Variants in ZNF197 observed in about 807,000 individuals in gnomAD.
The protein encoded by ZNF197 is VHL-associated KRAB-A domain-containing protein.
Under a neutral mutation model 27.4 loss-of-function variants are expected in ZNF197, and 14 were observed. The observed-to-expected ratio is 0.51, with a 90% CI of 0.34 to 0.80. The LOEUF (loss-of-function observed/expected upper bound fraction) is 0.80. ZNF197 is among the 30% of genes least tolerant of loss of function. The pLI is 0.02. For missense variants in ZNF197, 1,090 were observed against 1,222.6 expected (o/e 0.89, Z 1.62); for synonymous variants, 415 against 420.0 (o/e 0.99, Z 0.15).
intron 5 of ZNF197, among the ~76,000 whole-genome samples, chr3:44,639,677 C>G (rs568770008): frequency 7.3e-4 from 110 of 151,528 alleles, no homozygotes; most frequent in African/African-American, 2.6e-3. Flanking sequence ...ATGTTAATGT[C>G]CAGAGAGTGA....
chr3:44,627,120 T>C (rs773162268), intron 1 of ZNF197, among the ~76,000 whole-genome samples: 6 of 152,176 alleles, frequency 3.9e-5, no homozygotes, highest in Non-Finnish European at 7.3e-5. Context: ...TGTACACACA[T>C]ATGCAGAAAT....
chr3:44,643,500 T>C lies in ZNF197; in HGVS notation c.2370T>C (p.Tyr790=). 4 of 1,614,148 alleles carry C rather than the reference T, an allele frequency of 2.5e-6. No individual in the cohort carries two copies. Among genetic ancestry groups the C allele is most frequent in the Non-Finnish European group, 3.4e-6 (4 of 1,180,000 alleles). Residue 790 remains tyrosine (Y), a synonymous_variant, in exon 6 of 6, where the codon TAT becomes TAC. Coordinates refer to ENST00000344387, the MANE Select transcript of ZNF197 (RefSeq NM_006991.5). ...HKRIHSGEKP[Y]ECDECGKCFI... ...GAATCCACAGTGGTGAGAAACCCTA[T>C]GAGTGTGATGAGTGTGGCAAATGCT...
intron 5 of ZNF197, among the ~76,000 whole-genome samples, chr3:44,638,056 A>G (rs1003558787): frequency 2.6e-5 from 4 of 152,192 alleles, no homozygotes; most frequent in African/African-American, 9.7e-5. Flanking sequence ...GAGTACTGCC[A>G]TTTATCAATG....
chr3:44,641,997 A>C lies in ZNF197; in HGVS notation c.867A>C (p.Gly289=), dbSNP rs776642425. 1 of 1,613,962 alleles carries C rather than the reference A, an allele frequency of 6.2e-7. No individual in the cohort carries two copies. Among genetic ancestry groups the C allele is most frequent in the South Asian group, 1.1e-5 (1 of 91,058 alleles). The change falls in exon 6 of 6, where the codon GGA becomes GGC. Residue 289 remains glycine, a synonymous_variant. Coordinates refer to ENST00000344387, the MANE Select transcript of ZNF197 (RefSeq NM_006991.5). ...AAGGAACATCAAAAAGACTTCAAGG[A>C]AGTGTTCCCCAGGTCCTTGATTTTG... ...SHKGTSKRLQ[G]SVPQVLDFEE... is the part of the protein sequence containing the mutation.
chr3:44,638,324 C>T (rs1702419199), intron 5 of ZNF197, among the ~76,000 whole-genome samples: 1 of 151,484 alleles, frequency 6.6e-6, no homozygotes, highest in Non-Finnish European at 1.5e-5. Context: ...TCAGGCTGAC[C>T]TTGAGCTCCT....
chr3:44,640,391 G>C lies in ZNF197; in HGVS notation c.770-1509G>C, dbSNP rs1702533733. 6.6e-6 allele frequency among the ~76,000 whole-genome samples: 1 copy of C among 151,916 alleles called. No homozygotes were observed. The highest frequency in any genetic ancestry group is 1.5e-5 in the Non-Finnish European group (1 of 67,956). ...TTTTTGTTTGTTTTGTTCTTGTTTT[G>C]TTTTGAGATGGAGTCTTGCTCTGTC... On this transcript the variant is annotated intron_variant, in intron 5 of 5. Coordinates refer to ENST00000344387, the MANE Select transcript of ZNF197 (RefSeq NM_006991.5). This position sits in a 1 kb window ranked among gnomAD's most constrained non-coding sequence, Gnocchi z 4.0.
chr3:44,632,673 C>T, intron 5 of ZNF197, 74 bp downstream of exon 5: 1 of 1,361,670 alleles, frequency 7.3e-7, no homozygotes, highest in Non-Finnish European at 9.6e-7. Flanking sequence ...ATAAAAGTAG[C>T]ATATATGTAT....
rs1410049412 is a variant in ZNF197, at chr3:44,642,406, T to G, written c.1276T>G (p.Tyr426Asp). The G allele has an allele frequency of 6.2e-7, 1 of 1,614,130 alleles. No homozygotes were observed. Among genetic ancestry groups the G allele is most frequent in the South Asian group, 1.1e-5 (1 of 91,074 alleles). ...HLRNHSGEKP[Y>D]KCNECGKAFS... is the part of the protein sequence containing the mutation. ...ACGGAACCATTCAGGGGAGAAACCT[T>G]ATAAATGTAATGAATGTGGGAAAGC... Residue 426 changes from tyrosine to aspartate, a missense_variant, in exon 6 of 6, where the codon TAT becomes GAT. Coordinates refer to ENST00000344387, the MANE Select transcript of ZNF197 (RefSeq NM_006991.5).
chr3:44,636,324 A>AAAT (rs1418589019), intron 5 of ZNF197, among the ~76,000 whole-genome samples: 4 of 151,856 alleles, frequency 2.6e-5, no homozygotes, highest in African/African-American at 9.7e-5. Flanking sequence ...AAAAAAAAAA[A>AAAT]ATTTCATCAA....
intron 5 of ZNF197, among the ~76,000 whole-genome samples, chr3:44,634,719 G>A (rs1332334123): frequency 6.6e-6 from 1 of 151,966 alleles, no homozygotes; most frequent in African/African-American, 2.4e-5. Context: ...CAAAGTGCTG[G>A]GATTATAGGC....
rs890475333 is a variant in ZNF197 at position 44,646,718 on chromosome 3, A to G, written c.*2498A>G. The G allele has an allele frequency of 4.3e-5, 23 of 532,784 alleles. No homozygotes were observed. Among genetic ancestry groups the G allele is most frequent in the African/African-American group, 2.7e-4 (14 of 51,756 alleles). The allele number at this position is 532,784 out of a possible 1,614,324, so 33.0% of individuals were successfully genotyped here. A position where few individuals can be genotyped will look rare whatever the true frequency, so the allele number is the denominator to read the frequency against. Reference sequence around the variant, plus strand: ...GTATGAAAATTTCGATATGAAAGGTATAAAACATGGATGAGGAGGCTTGTT... The same window carrying G: ...GTATGAAAATTTCGATATGAAAGGTGTAAAACATGGATGAGGAGGCTTGTT... On this transcript the variant is annotated 3_prime_UTR_variant, in exon 6 of 6. Coordinates refer to ENST00000344387, the MANE Select transcript of ZNF197 (RefSeq NM_006991.5).
intron 5 of ZNF197, 91 bp from the exon 6 acceptor site, chr3:44,641,809 C>A: frequency 7.1e-7 from 1 of 1,398,702 alleles, no homozygotes; most frequent in Non-Finnish European, 9.4e-7. Context: ...TTAAAGTGTG[C>A]CTTCCTAGAA....
At chr3:44,630,976 T>C (rs781098136) in intron 2 of ZNF197, 86 bp from the exon 3 acceptor site, 10 of 1,557,072 alleles carry the variant, frequency 6.4e-6, no homozygotes, top group East Asian at 2.2e-5. Flanking sequence ...CAGTTGTAGA[T>C]TGTGGGCAGA....
Position 44,641,926 on chromosome 3 carries a change from G to T in ZNF197, c.796G>T (p.Glu266Ter), listed in dbSNP as rs765604314. The change falls in exon 6 of 6, where the codon GAG becomes TAG. Residue 266 changes from glutamate (E) to a stop codon, truncating the protein, a stop_gained. Coordinates refer to ENST00000344387, the MANE Select transcript of ZNF197 (RefSeq NM_006991.5). LOFTEE classifies it low-confidence loss of function (END_TRUNC). ...ATGGGAGACCATGACCGAGAATGAGGAGGTGACATCAAAGCCAAGTAGTTC... is the reference window on the plus strand; with the variant it reads ...ATGGGAGACCATGACCGAGAATGAGTAGGTGACATCAAAGCCAAGTAGTTC... The part of the protein sequence containing the change: ...LEWETMTENE[E>*]VTSKPSSSQR... 3.4e-5 allele frequency: 55 copies of T among 1,602,774 alleles called. No individual in the cohort carries two copies. The highest frequency in any genetic ancestry group is 4.7e-5 in the Non-Finnish European group (55 of 1,174,916).
At position 44,640,839 on chromosome 3, in the gene ZNF197, G is replaced by A. The variant is rs563904447; in HGVS notation, c.770-1061G>A. On this transcript the variant is annotated intron_variant, in intron 5 of 5. Coordinates refer to ENST00000344387, the MANE Select transcript of ZNF197 (RefSeq NM_006991.5). This position sits in a 1 kb window ranked among gnomAD's most constrained non-coding sequence, Gnocchi z 4.0. The stretch of plus-strand genomic sequence containing the variant: ...AGGGCAGTTGAGATGAGATATGAGG[G>A]CCTGACCTAAGAATGTCTGTAGTTC... Among the ~76,000 whole-genome samples, 12 of 152,308 alleles carry A rather than the reference G, an allele frequency of 7.9e-5. No homozygotes were observed. The South Asian group carries it at 2.5e-3, about 32-fold the overall frequency.
In ZNF197 at chr3:44,645,462, T is replaced by G; in HGVS notation, c.*1242T>G. 2.0e-6 allele frequency: 2 copies of G among 984,990 alleles called. No individual in the cohort carries two copies. The highest frequency in any genetic ancestry group is 2.4e-6 in the Non-Finnish European group (2 of 829,542). 61.0% of individuals were successfully genotyped at this position (984,990 alleles called of 1,614,324 possible). A position where few individuals can be genotyped will look rare whatever the true frequency, so the allele number is the denominator to read the frequency against. On this transcript the variant is annotated 3_prime_UTR_variant, in exon 6 of 6. Coordinates refer to ENST00000344387, the MANE Select transcript of ZNF197 (RefSeq NM_006991.5). ...AAAATATCTGAGGGAGTTACTAGAT[T>G]ATATATCTAGTTTATGTATATGGAA... is the stretch of plus-strand genomic sequence containing the variant.
At chr3:44,632,732 T>C (rs1702082680) in intron 5 of ZNF197, 133 bp downstream of exon 5, 1 of 1,080,170 alleles carries the variant, frequency 9.3e-7, no homozygotes, top group Non-Finnish European at 1.2e-6. Flanking sequence ...TTCCTTAACA[T>C]CGCTATTTCC....
At position 44,643,226 on chromosome 3, in the gene ZNF197, T is replaced by A; in HGVS notation, c.2096T>A (p.Leu699His). 6.2e-7 allele frequency: 1 copy of A among 1,614,056 alleles called. No homozygotes were observed. The highest frequency in any genetic ancestry group is 8.5e-7 in the Non-Finnish European group (1 of 1,180,018). The change falls in exon 6 of 6, where the codon CTC becomes CAC. Residue 699 changes from leucine (L) to histidine (H), a missense_variant. Transcript: ENST00000344387. ...SNRNLIDHER[L>H]HNGEKPYECR... The stretch of plus-strand genomic sequence containing the variant: ...AGAAACCTCATTGACCATGAGAGAC[T>A]CCACAATGGGGAGAAGCCATATGAA...
rs116319049 is a variant in ZNF197, at chr3:44,644,911, T to C, written c.*691T>C. 2,371 of 982,626 alleles carry C rather than the reference T, an allele frequency of 2.4e-3. 43 individuals are homozygous for C. The African/African-American group carries it at 0.039, about 16-fold the overall frequency. 60.9% of individuals were successfully genotyped at this position (982,626 alleles called of 1,614,324 possible). On this transcript the variant is annotated 3_prime_UTR_variant, in exon 6 of 6. Coordinates refer to ENST00000344387, the MANE Select transcript of ZNF197 (RefSeq NM_006991.5). ...AAAATTTAATAATAAAAAGTGGACA[T>C]TGTTTTTTAAAATGTGTATAGTATG...
Sources: allele counts gnomAD v4.1 joint callset (sites outside exome capture counted in the v4.1 genomes callset), GRCh38; gene constraint gnomAD v4.1.1; non-coding constraint Gnocchi (gnomAD v3.1); transcripts MANE v1.5; gene names NCBI Gene and HGNC (gene_info 2026-07-23, HGNC 2026-07-21).